Variants in RIMBP2 observed in about 807,000 individuals in gnomAD.
RIMBP2 encodes the protein RIMS binding protein 2.
RIMBP2 carries 48 observed loss-of-function variants against 118.6 expected under a neutral mutation model. That is an observed-to-expected ratio of 0.40 (90% CI 0.32 to 0.51). The LOEUF (loss-of-function observed/expected upper bound fraction) is 0.51. Ranked by LOEUF, RIMBP2 falls within the 20% of genes least tolerant of loss-of-function variation. The pLI, the probability that RIMBP2 is intolerant of heterozygous loss-of-function variation, is 0.41. For synonymous variants in RIMBP2, 762 were observed against 742.9 expected (o/e 1.03, Z -0.42); for missense variants, 1,551 against 1,768.3 (o/e 0.88, Z 2.20).
At chr12:130,693,076 C>T (rs76372702) in intron 1 of RIMBP2, among the ~76,000 whole-genome samples, 1,643 of 152,082 alleles carry the variant, frequency 0.011, 34 homozygotes, top group African/African-American at 0.036. Context: ...GACCAAGTAC[C>T]TAAGACACGA....
At position 130,525,655 on chromosome 12, in the gene RIMBP2, G is replaced by A. The variant is rs938421772; in HGVS notation, c.-216-7738C>T. 6.6e-6 allele frequency among the ~76,000 whole-genome samples: 1 copy of A among 152,180 alleles called. No homozygotes were observed. The highest frequency in any genetic ancestry group is 1.9e-4 in the East Asian group (1 of 5,190). On this transcript the variant is annotated intron_variant, in intron 2 of 22. Transcript: ENST00000690449. This position sits in a 1 kb window ranked among gnomAD's most constrained non-coding sequence, Gnocchi z 4.4. ...ATGGACACATGGGGAAGGCATGAGG[G>A]CAGCAGAGAGAAGGACGGGGCACTT...
At position 130,433,282 on chromosome 12, in the gene RIMBP2, C is replaced by G. The variant is rs185914048; in HGVS notation, c.2253+1452G>C. On this transcript the variant is annotated intron_variant, in intron 14 of 22. Transcript: ENST00000690449. ...TGGAAAGAGCCAATTCCACCTCATT[C>G]TAACACTAAAACCCGCCCCATGTGC... Among the ~76,000 whole-genome samples, 340 of 152,328 alleles carry G rather than the reference C, an allele frequency of 2.2e-3. 2 individuals are homozygous for G. The highest frequency in any genetic ancestry group is 2.7e-3 in the Non-Finnish European group (183 of 68,024).
chr12:130,473,109 G>A (rs2081141497), intron 5 of RIMBP2, among the ~76,000 whole-genome samples: 1 of 152,204 alleles, frequency 6.6e-6, no homozygotes, highest in African/African-American at 2.4e-5. Flanking sequence ...TTAAAACTCA[G>A]CCAAGCTGGC....
chr12:130,438,439 G>A lies in RIMBP2; in HGVS notation c.1582C>T (p.Pro528Ser), dbSNP rs1257241588. ...PATIRVSWRP[P>S]VLTPTGLSNG... ...GACAGCCCGGTGGGCGTCAGCACAG[G>A]TGGTCTCCAGGAGACCCGGATGGTG... Residue 528 changes from proline (P) to serine (S), a missense_variant, in exon 12 of 23, where the codon CCT becomes TCT. Transcript: ENST00000690449. 1 of 1,613,452 alleles carries A rather than the reference G, an allele frequency of 6.2e-7. No homozygotes were observed. Among genetic ancestry groups the A allele is most frequent in the East Asian group, 2.2e-5 (1 of 44,792 alleles).
At chr12:130,479,416 G>A in intron 4 of RIMBP2, among the ~76,000 whole-genome samples, 1 of 152,210 alleles carries the variant, frequency 6.6e-6, no homozygotes, top group Admixed American at 6.5e-5. Flanking sequence ...GCCCAGCACT[G>A]GTTCAGGGTT....
At chr12:130,493,766 C>T (rs1232227478) in intron 4 of RIMBP2, among the ~76,000 whole-genome samples, 4 of 152,224 alleles carry the variant, frequency 2.6e-5, no homozygotes, top group South Asian at 4.1e-4. Flanking sequence ...TTCTTACATG[C>T]TCCATCTATA....
rs1566422817 is a variant in RIMBP2, at chr12:130,646,250, ACCACTTCCCTCT to A, written c.-351-17806_-351-17795del. Reference sequence around the variant, plus strand: ...CACCACCTGCCTCTCCACCTCCCTCACCACTTCCCTCTCCACCTGCCTCACCACCTCCCTCAC... The same window carrying A: ...CACCACCTGCCTCTCCACCTCCCTCACCACCTGCCTCACCACCTCCCTCAC... On this transcript the variant is annotated intron_variant, in intron 1 of 22. Transcript: ENST00000690449. Among the ~76,000 whole-genome samples, 5 of 27,950 alleles carry A rather than the reference ACCACTTCCCTCT, an allele frequency of 1.8e-4. 1 individual carries two copies. Among genetic ancestry groups the A allele is most frequent in the Admixed American group, 7.8e-4 (2 of 2,550 alleles). The allele number at this position is 27,950 out of a possible 152,430, so 18.3% of individuals were successfully genotyped here.
rs1248051023 is a variant in RIMBP2, at chr12:130,397,472, T to A, written c.3978A>T (p.Ser1326=). The change falls in exon 23 of 23, where the codon TCA becomes TCT. Residue 1326 remains serine, a synonymous_variant. Coordinates refer to ENST00000690449, the MANE Select transcript of RIMBP2 (RefSeq NM_001393629.1). The part of the protein sequence containing the change: ...TVHLHSGSPT[S]SMGSGSPGRG... Reference sequence around the variant, plus strand: ...TCCCAGGACTACCAGAACCCATAGATGACGTAGGTGACCCCGAATGGAGAT... The same window carrying A: ...TCCCAGGACTACCAGAACCCATAGAAGACGTAGGTGACCCCGAATGGAGAT... 1 of 398,918 alleles carries A rather than the reference T, an allele frequency of 2.5e-6. No individual in the cohort carries two copies. The highest frequency in any genetic ancestry group is 4.4e-6 in the Non-Finnish European group (1 of 226,100). The allele number at this position is 398,918 out of a possible 1,614,324, so 24.7% of individuals were successfully genotyped here. A position where few individuals can be genotyped will look rare whatever the true frequency, so the allele number is the denominator to read the frequency against.
rs183589240 is a variant in RIMBP2, at chr12:130,441,750, G to A, written c.1504+98C>T. 3 of 1,059,108 alleles carry A rather than the reference G, an allele frequency of 2.8e-6. No individual in the cohort carries two copies. In the Admixed American group the frequency reaches 7.2e-5, roughly 26 times the overall value. 65.6% of individuals were successfully genotyped at this position (1,059,108 alleles called of 1,614,324 possible). A position where few individuals can be genotyped will look rare whatever the true frequency, so the allele number is the denominator to read the frequency against. ...TCCAGGGTCATGTTGTCAGGATGGGGATTCCTGCTTCTGCCTGCCCCACCT... is the reference window on the plus strand; with the variant it reads ...TCCAGGGTCATGTTGTCAGGATGGGAATTCCTGCTTCTGCCTGCCCCACCT... On this transcript the variant is annotated intron_variant, in intron 11 of 22. Coordinates refer to ENST00000690449, the MANE Select transcript of RIMBP2 (RefSeq NM_001393629.1).
At chr12:130,695,729 G>C (rs1360935656) in intron 1 of RIMBP2, among the ~76,000 whole-genome samples, 1 of 152,142 alleles carries the variant, frequency 6.6e-6, no homozygotes, top group East Asian at 1.9e-4. Context: ...CTAGAGGCCA[G>C]GGGACGAGGC....
intron 3 of RIMBP2, among the ~76,000 whole-genome samples, chr12:130,512,115 G>T (rs577997222): frequency 6.6e-6 from 1 of 152,180 alleles, no homozygotes; most frequent in South Asian, 2.1e-4. Context: ...TGGCTCCCAC[G>T]GGCCACTCAA....
intron 2 of RIMBP2, among the ~76,000 whole-genome samples, chr12:130,519,787 A>G (rs2051881041): frequency 6.6e-6 from 1 of 152,126 alleles, no homozygotes; most frequent in Admixed American, 6.5e-5. Context: ...CTAAATACAA[A>G]TGGGAGCTCT....
intron 1 of RIMBP2, among the ~76,000 whole-genome samples, chr12:130,656,655 T>TTG (rs1172449766): frequency 2.0e-5 from 3 of 152,170 alleles, no homozygotes; most frequent in Non-Finnish European, 4.4e-5. Context: ...TCACACCGTC[T>TTG]TCCCTCCACG....
chr12:130,496,568 CG>C (rs1318368158), intron 4 of RIMBP2, among the ~76,000 whole-genome samples: 1 of 152,102 alleles, frequency 6.6e-6, no homozygotes, highest in Non-Finnish European at 1.5e-5. Context: ...CTTCTGTCCA[CG>C]GGAGACCAGC....
chr12:130,492,779 A>C (rs1381017317), intron 4 of RIMBP2, among the ~76,000 whole-genome samples: 1 of 152,190 alleles, frequency 6.6e-6, no homozygotes, highest in Admixed American at 6.5e-5. Context: ...AATGGCAACA[A>C]AAAATACCGT....
intron 1 of RIMBP2, among the ~76,000 whole-genome samples, chr12:130,656,356 G>A (rs924183764): frequency 6.6e-6 from 1 of 152,180 alleles, no homozygotes; most frequent in Non-Finnish European, 1.5e-5. Context: ...TCCCAGTGGG[G>A]CTGGGCCAGC....
Position 130,683,995 on chromosome 12 carries a change from G to T in RIMBP2, c.-352+32227C>A, listed in dbSNP as rs2064928387. On this transcript the variant is annotated intron_variant, in intron 1 of 22. Coordinates refer to ENST00000690449, the MANE Select transcript of RIMBP2 (RefSeq NM_001393629.1). The surrounding 1 kb of genome is among the most constrained non-coding windows in gnomAD (Gnocchi z 4.4). ...CTTTCCCTCTCCAGGACTTTTTCCA[G>T]ATCCAGGAGAGAATCAACTAAGAGT... Among the ~76,000 whole-genome samples the T allele has an allele frequency of 6.6e-6, 1 of 152,074 alleles. No homozygotes were observed. Among genetic ancestry groups the T allele is most frequent in the South Asian group, 2.1e-4 (1 of 4,812 alleles).
chr12:130,500,800 T>A (rs2049687647), intron 4 of RIMBP2, among the ~76,000 whole-genome samples: 1 of 152,074 alleles, frequency 6.6e-6, no homozygotes, highest in Non-Finnish European at 1.5e-5. Flanking sequence ...ACGCGTCAGG[T>A]GCTAGATGAG....
At chr12:130,543,554 T>C (rs2054805442) in intron 2 of RIMBP2, among the ~76,000 whole-genome samples, 1 of 152,136 alleles carries the variant, frequency 6.6e-6, no homozygotes, top group Admixed American at 6.5e-5. Flanking sequence ...CTCAAAGCTC[T>C]TCTCCAAAGA....
Sources: gnomAD v4.1 joint callset for allele counts (sites outside exome capture counted in the v4.1 genomes callset) on GRCh38, gnomAD v4.1.1 for gene constraint, Gnocchi (gnomAD v3.1) non-coding constraint, MANE v1.5 for transcripts, NCBI Gene and HGNC (gene_info 2026-07-23, HGNC 2026-07-21) for gene names.